The following KMT2E variants were observed in gnomAD, a reference collection of about 807,000 sequenced individuals.
KMT2E encodes the protein histone reader KMT2E.
KMT2E carries 30 observed loss-of-function variants against 184.6 expected under a neutral mutation model. That is an observed-to-expected ratio of 0.16 (90% CI 0.12 to 0.22). KMT2E has a LOEUF of 0.22. Ranked by LOEUF, KMT2E falls within the 10% of genes least tolerant of loss-of-function variation. The probability of loss-of-function intolerance (pLI) is 1.00; values close to 1 mark genes in which losing one functional copy is unlikely to be tolerated. For missense variants in KMT2E, 2,023 were observed against 2,237.4 expected (o/e 0.90, Z 1.93); for synonymous variants, 815 against 776.5 (o/e 1.05, Z -0.82).
chr7:105,031,768 T>A (rs767957294), intron 1 of KMT2E, among the ~76,000 whole-genome samples: 2 of 138,334 alleles, frequency 1.4e-5, no homozygotes, highest in Non-Finnish European at 3.1e-5. Context: ...ATAAATAAAT[T>A]AAATAAATAA....
In KMT2E at chr7:105,107,817, T is replaced by C; in HGVS notation, c.3360T>C (p.Thr1120=). The C allele has an allele frequency of 6.2e-7, 1 of 1,614,154 alleles. No homozygotes were observed. Among genetic ancestry groups the C allele is most frequent in the Non-Finnish European group, 8.5e-7 (1 of 1,180,008 alleles). The change falls in exon 22 of 27, where the codon ACT becomes ACC. Residue 1120 remains threonine (T), a synonymous_variant. Transcript: ENST00000311117. Reference sequence around the variant, plus strand: ...CTAGAGGCATGTTTATGGAAACAACTGTGTTTTGTACTTCCGAAGATGGGC... The same window carrying C: ...CTAGAGGCATGTTTATGGAAACAACCGTGTTTTGTACTTCCGAAGATGGGC... ...DDTRGMFMET[T]VFCTSEDGLV...
intron 1 of KMT2E, among the ~76,000 whole-genome samples, chr7:105,018,218 A>G (rs1353975921): frequency 6.6e-6 from 1 of 152,222 alleles, no homozygotes; most frequent in African/African-American, 2.4e-5. Context: ...TCTGGAAGCT[A>G]CTACTACTGG....
intron 13 of KMT2E, among the ~76,000 whole-genome samples, chr7:105,086,731 T>TA (rs1008120474): frequency 2.8e-5 from 4 of 144,298 alleles, no homozygotes; most frequent in Non-Finnish European, 4.5e-5. Context: ...TCTCAAAAAA[T>TA]AAAAAAATAT....
chr7:105,051,272 G>A (rs1796336358), intron 3 of KMT2E, among the ~76,000 whole-genome samples: 1 of 151,756 alleles, frequency 6.6e-6, no homozygotes, highest in South Asian at 2.1e-4. Context: ...TGCAACCTCC[G>A]CTTTCGAGGT....
intron 15 of KMT2E, 102 bp from the exon 16 acceptor site, chr7:105,101,323 G>A: frequency 2.6e-6 from 2 of 755,910 alleles, no homozygotes; most frequent in Non-Finnish European, 3.9e-6. Context: ...TTTGCTGATA[G>A]TATCATAGCA....
intron 3 of KMT2E, among the ~76,000 whole-genome samples, chr7:105,047,357 TAAATTCCC>T (rs1796149652): frequency 6.6e-6 from 1 of 152,268 alleles, no homozygotes; most frequent in South Asian, 2.1e-4. Flanking sequence ...GTTTACCAGC[TAAATTCCC>T]AAATGCCAGC....
chr7:105,042,414 T>C (rs1795922346), intron 3 of KMT2E, among the ~76,000 whole-genome samples: 1 of 152,230 alleles, frequency 6.6e-6, no homozygotes, highest in Non-Finnish European at 1.5e-5. Flanking sequence ...ATTCATATAA[T>C]GTTCTGTAAG....
intron 18 of KMT2E, 77 bp downstream of exon 18, chr7:105,105,770 A>G (rs1798872383): frequency 1.9e-6 from 3 of 1,560,788 alleles, no homozygotes; most frequent in Non-Finnish European, 2.6e-6. Flanking sequence ...CATGGTAGTG[A>G]AATGCTTTTG....
chr7:105,047,683 C>A (rs919066929), intron 3 of KMT2E, among the ~76,000 whole-genome samples: 1 of 152,192 alleles, frequency 6.6e-6, no homozygotes, highest in East Asian at 1.9e-4. Context: ...ACTAACTTCC[C>A]TGAAGTCACG....
rs756515920 is a variant in KMT2E at position 105,102,035 on chromosome 7, A to G, written c.2037A>G (p.Pro679=). The change falls in exon 17 of 27, where the codon CCA becomes CCG. Residue 679 remains proline, a synonymous_variant. Coordinates refer to ENST00000311117, the MANE Select transcript of KMT2E (RefSeq NM_182931.3). The part of the protein sequence containing the change: ...RTVSMCSDIQ[P]SSPDIEVTSQ... ...TCAGCATGTGTTCAGATATCCAGCC[A>G]TCTTCTCCTGATATAGAAGTTACTT... 1.2e-5 allele frequency: 19 copies of G among 1,613,928 alleles called. No homozygotes were observed. The highest frequency in any genetic ancestry group is 1.4e-5 in the Non-Finnish European group (17 of 1,179,928).
intron 1 of KMT2E, among the ~76,000 whole-genome samples, chr7:105,015,491 T>C (rs868803658): frequency 1.9e-4 from 29 of 152,132 alleles, no homozygotes; most frequent in African/African-American, 6.8e-4. Flanking sequence ...TTTTTAGAGA[T>C]GTGAATAAGG....
intron 3 of KMT2E, among the ~76,000 whole-genome samples, chr7:105,041,259 T>A (rs1795866801): frequency 6.6e-6 from 1 of 152,162 alleles, no homozygotes; most frequent in Admixed American, 6.5e-5. Context: ...ATTGAGGTAT[T>A]GACATGACTT....
chr7:105,057,121 T>C (rs1796596202), intron 3 of KMT2E, among the ~76,000 whole-genome samples: 1 of 152,174 alleles, frequency 6.6e-6, no homozygotes, highest in African/African-American at 2.4e-5. Flanking sequence ...ATACTTGAAA[T>C]AAACCTTGAA....
At chr7:105,054,111 G>A (rs1350833029) in intron 3 of KMT2E, among the ~76,000 whole-genome samples, 2 of 151,368 alleles carry the variant, frequency 1.3e-5, no homozygotes, top group Admixed American at 1.3e-4. Flanking sequence ...GGTGGAGCTT[G>A]TAGTGAGCTG....
intron 15 of KMT2E, among the ~76,000 whole-genome samples, chr7:105,100,011 C>T (rs556502617): frequency 6.6e-6 from 1 of 152,254 alleles, no homozygotes; most frequent in South Asian, 2.1e-4. Flanking sequence ...GGAAAGAACT[C>T]AGCTGTAAAA....
At chr7:105,091,557 A>ACT (rs1798205111) in intron 15 of KMT2E, 1 of 574,098 alleles carries the variant, frequency 1.7e-6, no homozygotes, top group East Asian at 2.9e-5. Context: ...TTTGGAAGTA[A>ACT]TAATATTTTA....
At chr7:105,101,794 A>G (rs989772131) in intron 16 of KMT2E, 92 bp from the exon 17 acceptor site, 4 of 1,149,254 alleles carry the variant, frequency 3.5e-6, no homozygotes, top group African/African-American at 1.6e-5. Context: ...AAAATTCCAG[A>G]AAGTTGGCTT....
chr7:105,071,495 T>C (rs1797287639), intron 6 of KMT2E, among the ~76,000 whole-genome samples: 1 of 147,860 alleles, frequency 6.8e-6, no homozygotes, highest in Admixed American at 6.8e-5. Flanking sequence ...GCCTGCCGAG[T>C]AGCTGGACCA....
At chr7:105,039,867 T>C (rs1795806727) in intron 2 of KMT2E, among the ~76,000 whole-genome samples, 1 of 152,178 alleles carries the variant, frequency 6.6e-6, no homozygotes, top group African/African-American at 2.4e-5. Context: ...GAGTTGCACC[T>C]GTATAATTTT....
Sources: gnomAD v4.1 joint callset for allele counts (sites outside exome capture counted in the v4.1 genomes callset) on GRCh38, gnomAD v4.1.1 for gene constraint, MANE v1.5 for transcripts, NCBI Gene and HGNC (gene_info 2026-07-23, HGNC 2026-07-21) for gene names.